Variants in BRIP1 observed in about 807,000 individuals in gnomAD.
BRIP1 encodes BRCA1 interacting DNA helicase 1.
In BRIP1, 88 loss-of-function variants were observed where a neutral mutation model predicts 119.7. The ratio of observed to expected loss-of-function variants is 0.74; its 90% confidence interval spans 0.62 to 0.88. BRIP1 has a LOEUF of 0.88. Among genes scored for constraint, BRIP1 ranks in the 40% least tolerant of loss-of-function variants. The probability of loss-of-function intolerance (pLI) is 0.00; values close to 1 mark genes in which losing one functional copy is unlikely to be tolerated. For missense variants in BRIP1, 1,259 were observed against 1,455.4 expected, an observed-to-expected ratio of 0.87 and a Z score of 2.20; for synonymous variants, 443 against 496.5, an observed-to-expected ratio of 0.89 and a Z score of 1.43.
Position 61,686,764 on chromosome 17 carries a change from T to C in BRIP1, c.2576-599A>G, listed in dbSNP as rs2061371106. ...ATATATAATCAAGTTATAAAGGATA[T>C]GATTTGACCTGTGACATAAAAACTG... On this transcript the variant is annotated intron_variant, in intron 18 of 19. Transcript: ENST00000259008. This position sits in a 1 kb window ranked among gnomAD's most constrained non-coding sequence, Gnocchi z 5.4. 6.6e-6 allele frequency among the ~76,000 whole-genome samples: 1 copy of C among 152,098 alleles called. No homozygotes were observed. Among genetic ancestry groups the C allele is most frequent in the Admixed American group, 6.6e-5 (1 of 15,264 alleles).
Position 61,780,525 on chromosome 17 carries a change from T to C in BRIP1, c.1795-124A>G. ...GGAAGATCGCTTGAGTCTAGGAGTC[T>C]GAGACCAGCCTGGGCAATATGGTGA... On this transcript the variant is annotated intron_variant, in intron 12 of 19. Transcript: ENST00000259008. This position sits in a 1 kb window ranked among gnomAD's most constrained non-coding sequence, Gnocchi z 5.4. 1 of 909,088 alleles carries C rather than the reference T, an allele frequency of 1.1e-6. No individual in the cohort carries two copies. The highest frequency in any genetic ancestry group is 1.4e-5 in the South Asian group (1 of 70,990). The allele number at this position is 909,088 out of a possible 1,614,324, so 56.3% of individuals were successfully genotyped here.
At position 61,724,221 on chromosome 17, in the gene BRIP1, C is replaced by T. The variant is rs965839433; in HGVS notation, c.2380-8158G>A. Among the ~76,000 whole-genome samples, 4 of 151,868 alleles carry T rather than the reference C, an allele frequency of 2.6e-5. No individual in the cohort carries two copies. The highest frequency in any genetic ancestry group is 7.3e-5 in the African/African-American group (3 of 41,356). ...GGCGGTTTAGAATTGGGTAAAAATA[C>T]CCAATAGACAGATGGCATTCAAGCA... On this transcript the variant is annotated intron_variant, in intron 16 of 19. Transcript: ENST00000259008. The surrounding 1 kb of genome is among the most constrained non-coding windows in gnomAD (Gnocchi z 5.1).
At chr17:61,698,961 C>T (rs1391281733) in intron 17 of BRIP1, among the ~76,000 whole-genome samples, 2 of 152,206 alleles carry the variant, frequency 1.3e-5, no homozygotes, top group African/African-American at 4.8e-5. Flanking sequence ...AAGCGATCTG[C>T]CCACCTCAGC....
rs894686309 is a variant in BRIP1 at position 61,700,679 on chromosome 17, AT to A, written c.2493-7168del. ...TTCGCTTATCTTCTTGGATGTATAA[AT>A]TAACGTTTTTCATCAAATTCGGAAC... On this transcript the variant is annotated intron_variant, in intron 17 of 19. Coordinates refer to ENST00000259008, the MANE Select transcript of BRIP1 (RefSeq NM_032043.3). This position sits in a 1 kb window ranked among gnomAD's most constrained non-coding sequence, Gnocchi z 4.1. Among the ~76,000 whole-genome samples the A allele has an allele frequency of 4.6e-5, 7 of 152,166 alleles. No individual in the cohort carries two copies. The highest frequency in any genetic ancestry group is 1.7e-4 in the African/African-American group (7 of 41,434).
intron 6 of BRIP1, among the ~76,000 whole-genome samples, chr17:61,818,094 T>C (rs1266276779): frequency 6.6e-6 from 1 of 150,460 alleles, no homozygotes; most frequent in Non-Finnish European, 1.5e-5. Context: ...CTCTCACACC[T>C]GTAATCCCAG....
chr17:61,839,349 G>C (rs950938116), intron 6 of BRIP1, among the ~76,000 whole-genome samples: 5 of 150,736 alleles, frequency 3.3e-5, no homozygotes, highest in Admixed American at 3.3e-4. Context: ...ATGTTAGGAA[G>C]AAAAAAATAA....
rs889147002 is a variant in BRIP1 at position 61,754,642 on chromosome 17, T to C, written c.2098-10051A>G. Among the ~76,000 whole-genome samples the C allele has an allele frequency of 1.3e-5, 2 of 152,134 alleles. No individual in the cohort carries two copies. The highest frequency in any genetic ancestry group is 1.5e-5 in the Non-Finnish European group (1 of 68,026). ...TTATTAGTTTAAGCCACAGATTGAG[T>C]GGCTTAAACAAGAGAAATTTATTTC... On this transcript the variant is annotated intron_variant, in intron 14 of 19. Transcript: ENST00000259008. This position sits in a 1 kb window ranked among gnomAD's most constrained non-coding sequence, Gnocchi z 4.1.
At position 61,776,325 on chromosome 17, in the gene BRIP1, T is replaced by G; in HGVS notation, c.2097+76A>C. The G allele has an allele frequency of 6.4e-7, 1 of 1,558,838 alleles. No individual in the cohort carries two copies. Among genetic ancestry groups the G allele is most frequent in the Non-Finnish European group, 8.8e-7 (1 of 1,131,048 alleles). ...TACCCTAGGAAGCTTACTGTGGTAA[T>G]TTTAAAATTAGCATGCCAATGTTTA... On this transcript the variant is annotated intron_variant, in intron 14 of 19. Coordinates refer to ENST00000259008, the MANE Select transcript of BRIP1 (RefSeq NM_032043.3). This position sits in a 1 kb window ranked among gnomAD's most constrained non-coding sequence, Gnocchi z 5.0.
rs1003988482 is a variant in BRIP1 at position 61,725,944 on chromosome 17, A to T, written c.2380-9881T>A. On this transcript the variant is annotated intron_variant, in intron 16 of 19. Coordinates refer to ENST00000259008, the MANE Select transcript of BRIP1 (RefSeq NM_032043.3). The surrounding 1 kb of genome is among the most constrained non-coding windows in gnomAD (Gnocchi z 5.3). ...CCTGGCCTAAAAAATTCTTTTTAAGAGTAATGACCTTTGTGTCAATTTAGG... is the reference window on the plus strand; with the variant it reads ...CCTGGCCTAAAAAATTCTTTTTAAGTGTAATGACCTTTGTGTCAATTTAGG... Among the ~76,000 whole-genome samples the T allele has an allele frequency of 2.0e-5, 3 of 152,196 alleles. No individual in the cohort carries two copies. Among genetic ancestry groups the T allele is most frequent in the Non-Finnish European group, 2.9e-5 (2 of 68,030 alleles).
rs1160187803 is a variant in BRIP1, at chr17:61,822,833, GGTTC to G, written c.628-14080_628-14077del. ...CAAGTTTTCAGTTTAAAGGTGGGAC[GGTTC>G]CAAATGACAACGAAGTCCCATGTGT... On this transcript the variant is annotated intron_variant, in intron 6 of 19. Coordinates refer to ENST00000259008, the MANE Select transcript of BRIP1 (RefSeq NM_032043.3). This position sits in a 1 kb window ranked among gnomAD's most constrained non-coding sequence, Gnocchi z 4.4. Among the ~76,000 whole-genome samples the G allele has an allele frequency of 2.6e-5, 4 of 152,118 alleles. No homozygotes were observed. The South Asian group carries it at 8.3e-4, about 31-fold the overall frequency.
rs373664066 is a variant in BRIP1 at position 61,680,959 on chromosome 17, T to A, written c.*2337A>T. On this transcript the variant is annotated 3_prime_UTR_variant, in exon 20 of 20. Transcript: ENST00000259008. ...GAAAGAGGTTTAATTGACTCACAGTTCTGCATGACTGAGGAGGCCTCAAGA... is the reference window on the plus strand; with the variant it reads ...GAAAGAGGTTTAATTGACTCACAGTACTGCATGACTGAGGAGGCCTCAAGA... 8.4e-4 allele frequency among the ~76,000 whole-genome samples: 128 copies of A among 152,294 alleles called. No homozygotes were observed. The highest frequency in any genetic ancestry group is 2.8e-3 in the African/African-American group (115 of 41,562).
At chr17:61,721,407 CT>C (rs1358366529) in intron 16 of BRIP1, among the ~76,000 whole-genome samples, 1 of 150,980 alleles carries the variant, frequency 6.6e-6, no homozygotes, top group Non-Finnish European at 1.5e-5. Context: ...GTAGCTGAGA[CT>C]ACAGGCGTGT....
In BRIP1 at chr17:61,801,267, G is replaced by A. The variant is rs1028347439; in HGVS notation, c.1126C>T (p.Gln376Ter). The A allele has an allele frequency of 6.2e-7, 1 of 1,612,078 alleles. No individual in the cohort carries two copies. Among genetic ancestry groups the A allele is most frequent in the Non-Finnish European group, 8.5e-7 (1 of 1,178,338 alleles). Residue 376 changes from glutamine (Q) to a stop codon, truncating the protein, a stop_gained, in exon 8 of 20, where the codon CAA becomes TAA. Coordinates refer to ENST00000259008, the MANE Select transcript of BRIP1 (RefSeq NM_032043.3). LOFTEE classifies it high-confidence loss of function. ...CATATACTCACACTTTCCCTTATTT[G>A]TGCATCTAGAAGATAGTTGTAGGGA... Reference protein sequence around the residue: ...FCPYNYLLDAQIRESMDLNLK... With the variant: ...FCPYNYLLDA
Position 61,827,385 on chromosome 17 carries a change from A to G in BRIP1, c.628-18628T>C, listed in dbSNP as rs2078425570. On this transcript the variant is annotated intron_variant, in intron 6 of 19. Transcript: ENST00000259008. This position sits in a 1 kb window ranked among gnomAD's most constrained non-coding sequence, Gnocchi z 5.8. ...AAACCACTACCACACAAGTTTACCTATATAACAAACCTGAGCATGTACCCC... is the reference window on the plus strand; with the variant it reads ...AAACCACTACCACACAAGTTTACCTGTATAACAAACCTGAGCATGTACCCC... Among the ~76,000 whole-genome samples, 1 of 152,140 alleles carries G rather than the reference A, an allele frequency of 6.6e-6. No individual in the cohort carries two copies. The highest frequency in any genetic ancestry group is 2.4e-5 in the African/African-American group (1 of 41,436).
intron 6 of BRIP1, among the ~76,000 whole-genome samples, chr17:61,819,174 A>G (rs2078282625): frequency 9.4e-6 from 1 of 106,064 alleles, no homozygotes; most frequent in Non-Finnish European, 1.9e-5. Context: ...CAACAGAGTG[A>G]GAATTTGTCT....
chr17:61,826,256 T>A (rs2078405759), intron 6 of BRIP1, among the ~76,000 whole-genome samples: 1 of 152,076 alleles, frequency 6.6e-6, no homozygotes, highest in African/African-American at 2.4e-5. Flanking sequence ...TAAGATAGAT[T>A]AAAGACTTAA....
Position 61,729,299 on chromosome 17 carries a change from C to G in BRIP1, c.2380-13236G>C, listed in dbSNP as rs2076812388. 6.6e-6 allele frequency among the ~76,000 whole-genome samples: 1 copy of G among 151,674 alleles called. No individual in the cohort carries two copies. Among genetic ancestry groups the G allele is most frequent in the African/African-American group, 2.4e-5 (1 of 41,266 alleles). ...GTCTCAAAAACAAAACAAAACAAAA[C>G]AAACAAACAAACAAAAAAGAAAGGA... On this transcript the variant is annotated intron_variant, in intron 16 of 19. Transcript: ENST00000259008. The surrounding 1 kb of genome is among the most constrained non-coding windows in gnomAD (Gnocchi z 5.6).
intron 16 of BRIP1, among the ~76,000 whole-genome samples, chr17:61,723,375 A>G (rs1392048615): frequency 6.6e-6 from 1 of 152,220 alleles, no homozygotes; most frequent in Non-Finnish European, 1.5e-5. Context: ...CCAAACAAAT[A>G]GTTTCAATGT....
rs2078080816 is a variant in BRIP1 at position 61,806,824 on chromosome 17, A to C, written c.918+1643T>G. Reference sequence around the variant, plus strand: ...GCGATTCTCATGCCTCAGCCTCCCAAGTAGCTGGGATTACAAGCATGCGCC... The same window carrying C: ...GCGATTCTCATGCCTCAGCCTCCCACGTAGCTGGGATTACAAGCATGCGCC... On this transcript the variant is annotated intron_variant, in intron 7 of 19. Coordinates refer to ENST00000259008, the MANE Select transcript of BRIP1 (RefSeq NM_032043.3). The surrounding 1 kb of genome is among the most constrained non-coding windows in gnomAD (Gnocchi z 4.9). 6.6e-6 allele frequency among the ~76,000 whole-genome samples: 1 copy of C among 152,112 alleles called. No homozygotes were observed. The highest frequency in any genetic ancestry group is 1.5e-5 in the Non-Finnish European group (1 of 68,008).
Sources: allele counts gnomAD v4.1 joint callset (sites outside exome capture counted in the v4.1 genomes callset), GRCh38; gene constraint gnomAD v4.1.1; non-coding constraint Gnocchi (gnomAD v3.1); transcripts MANE v1.5; gene names NCBI Gene and HGNC (gene_info 2026-07-23, HGNC 2026-07-21).